The following FRMPD1 variants were observed in gnomAD, a reference collection of about 807,000 sequenced individuals.
FRMPD1 encodes the protein FERM and PDZ domain-containing protein 1.
In FRMPD1, 76 loss-of-function variants were observed where a neutral mutation model predicts 117.8. That is an observed-to-expected ratio of 0.65 (90% CI 0.54 to 0.78). The LOEUF (loss-of-function observed/expected upper bound fraction) is 0.78, where lower values mean the gene tolerates loss of function less well. Among genes scored for constraint, FRMPD1 ranks in the 30% least tolerant of loss-of-function variants. The pLI is 0.00. For synonymous variants in FRMPD1, 783 were observed against 770.4 expected (o/e 1.02, Z -0.27); for missense variants, 1,786 against 1,964.5 (o/e 0.91, Z 1.72).
At chr9:37,728,897 CG>C (rs1663842450) in intron 7 of FRMPD1, among the ~76,000 whole-genome samples, 1 of 148,240 alleles carries the variant, frequency 6.7e-6, no homozygotes, top group Admixed American at 6.8e-5. Flanking sequence ...CAGGTGGCGG[CG>C]GTTGCAGTGA....
chr9:37,685,614 T>C (rs1200110598), intron 1 of FRMPD1, among the ~76,000 whole-genome samples: 1 of 152,052 alleles, frequency 6.6e-6, no homozygotes, highest in Admixed American at 6.5e-5. Context: ...ATCTTGCCAC[T>C]GCACTACAGC....
intron 1 of FRMPD1, among the ~76,000 whole-genome samples, chr9:37,653,837 T>C (rs1820756221): frequency 6.6e-6 from 1 of 152,102 alleles, no homozygotes; most frequent in Non-Finnish European, 1.5e-5. Flanking sequence ...GCACCTGTGG[T>C]CCCAGCTACT....
At chr9:37,617,804 G>A in the FRMPD1 span, among the ~76,000 whole-genome samples, 1 of 152,140 alleles carries the variant, frequency 6.6e-6, no homozygotes. Context: ...TGCCCCTGTT[G>A]TACCTTCCTT....
At chr9:37,629,018 G>C in the FRMPD1 span, among the ~76,000 whole-genome samples, 1 of 152,218 alleles carries the variant, frequency 6.6e-6, no homozygotes, top group African/African-American at 2.4e-5. Flanking sequence ...GGCCAATATG[G>C]TGAAACCCTG....
At chr9:37,682,061 A>G (rs926334668) in intron 1 of FRMPD1, among the ~76,000 whole-genome samples, 2 of 152,186 alleles carry the variant, frequency 1.3e-5, no homozygotes, top group Non-Finnish European at 2.9e-5. Flanking sequence ...GGATTTGAAT[A>G]AGTCCTAGAA....
chr9:37,636,694 A>G, the FRMPD1 span: 1 of 1,556,632 alleles, frequency 6.4e-7, no homozygotes, highest in East Asian at 2.3e-5. Flanking sequence ...CCTCCTAGCA[A>G]CAACCACCGC....
chr9:37,675,417 TA>T (rs55853255), intron 1 of FRMPD1, among the ~76,000 whole-genome samples: 22,212 of 137,452 alleles, frequency 0.16, 1,729 homozygotes, highest in Middle Eastern at 0.22. Flanking sequence ...TGAGACTGTC[TA>T]AAAAAAAAAA....
At chr9:37,637,988 CTTT>C in the FRMPD1 span, among the ~76,000 whole-genome samples, 5 of 121,796 alleles carry the variant, frequency 4.1e-5, no homozygotes, top group African/African-American at 1.5e-4. Context: ...TTCTTTCTTT[CTTT>C]CTTTCTTTCT....
intron 4 of FRMPD1, among the ~76,000 whole-genome samples, chr9:37,709,273 G>GAT (rs1321770990): frequency 6.8e-6 from 1 of 147,660 alleles, no homozygotes; most frequent in Non-Finnish European, 1.5e-5. Context: ...CTAACTTGAA[G>GAT]AGATATATAT....
Position 37,735,511 on chromosome 9 carries a change from C to T in FRMPD1, c.1219-41C>T, listed in dbSNP as rs750684766. Reference sequence around the variant, plus strand: ...CTTACATGTGAAATGTATTTTCACTCGCTTGCGAATGGAGACTAATTCCCC... The same window carrying T: ...CTTACATGTGAAATGTATTTTCACTTGCTTGCGAATGGAGACTAATTCCCC... On this transcript the variant is annotated intron_variant, in intron 12 of 15. Coordinates refer to ENST00000377765, the MANE Select transcript of FRMPD1 (RefSeq NM_014907.3). 2.8e-5 allele frequency: 41 copies of T among 1,448,570 alleles called. No individual in the cohort carries two copies. The Admixed American group carries it at 5.5e-4, about 20-fold the overall frequency. The allele number at this position is 1,448,570 out of a possible 1,614,324, so 89.7% of individuals were successfully genotyped here. A position where few individuals can be genotyped will look rare whatever the true frequency, so the allele number is the denominator to read the frequency against.
At position 37,732,404 on chromosome 9, in the gene FRMPD1, G is replaced by C. The variant is rs1352157286; in HGVS notation, c.959G>C (p.Cys320Ser). The change falls in exon 10 of 16, where the codon TGT becomes TCT. Residue 320 changes from cysteine to serine, a missense_variant. By Grantham distance (112) the Cys-to-Ser change is moderately radical (BLOSUM62 -1). Coordinates refer to ENST00000377765, the MANE Select transcript of FRMPD1 (RefSeq NM_014907.3). ...CACATCCAGGAACGGATCTACGCCT[G>C]TGCCCAGCCACAGAAGATCTCTTTA... ...ALHIQERIYA[C>S]AQPQKISLKY... The C allele has an allele frequency of 1.9e-6, 3 of 1,613,462 alleles. No individual in the cohort carries two copies. The highest frequency in any genetic ancestry group is 2.7e-5 in the African/African-American group (2 of 74,926).
chr9:37,685,440 G>A (rs1000261362), intron 1 of FRMPD1, among the ~76,000 whole-genome samples: 11 of 151,906 alleles, frequency 7.2e-5, no homozygotes, highest in Admixed American at 3.9e-4. Flanking sequence ...TCAGGAGATC[G>A]AGACTATCCT....
the FRMPD1 span, among the ~76,000 whole-genome samples, chr9:37,604,259 A>G: frequency 2.0e-5 from 3 of 147,110 alleles, no homozygotes; most frequent in Non-Finnish European, 4.4e-5. Context: ...TTTGGTGATT[A>G]TATTAAAGAT....
At chr9:37,619,759 G>GA in the FRMPD1 span, among the ~76,000 whole-genome samples, 534 of 116,238 alleles carry the variant, frequency 4.6e-3, 1 homozygote, top group African/African-American at 6.3e-3. Flanking sequence ...CTCCAGCTCA[G>GA]AAAAAAAAAA....
In FRMPD1 at chr9:37,742,766, G is replaced by A. The variant is rs144527715; in HGVS notation, c.2357-1623G>A. 3.8e-3 allele frequency among the ~76,000 whole-genome samples: 583 copies of A among 152,196 alleles called. 5 individuals carry two copies. The highest frequency in any genetic ancestry group is 6.6e-3 in the Non-Finnish European group (450 of 68,008). ...GTACAAAAATTAGCCAGGCATGGTG[G>A]CGTGCACCTGTAATCCCAGCTACCC... On this transcript the variant is annotated intron_variant, in intron 15 of 15. Coordinates refer to ENST00000377765, the MANE Select transcript of FRMPD1 (RefSeq NM_014907.3).
chr9:37,606,606 CTCTTT>C, the FRMPD1 span, among the ~76,000 whole-genome samples: 1 of 152,292 alleles, frequency 6.6e-6, no homozygotes, highest in East Asian at 1.9e-4. Context: ...ATGCACAAAA[CTCTTT>C]TCTTTTCCCT....
intron 2 of FRMPD1, among the ~76,000 whole-genome samples, chr9:37,701,284 A>G (rs542719753): frequency 2.6e-4 from 40 of 152,286 alleles, no homozygotes; most frequent in East Asian, 2.1e-3. Flanking sequence ...ACCCTACTCT[A>G]TGGCTGGTAC....
chr9:37,650,854 G>A (rs1054369624), upstream of FRMPD1: 1 of 147,954 alleles, frequency 6.8e-6, no homozygotes, highest in Non-Finnish European at 1.5e-5. Flanking sequence ...GGCGCCGGCA[G>A]CTGGCGGCCG....
At chr9:37,635,566 C>T in the FRMPD1 span, among the ~76,000 whole-genome samples, 1 of 152,170 alleles carries the variant, frequency 6.6e-6, no homozygotes. Flanking sequence ...CAGAGGGGAA[C>T]CTGGGAGCGG....
Sources: allele counts gnomAD v4.1 joint callset (sites outside exome capture counted in the v4.1 genomes callset), GRCh38; gene constraint gnomAD v4.1.1; transcripts MANE v1.5; gene names NCBI Gene and HGNC (gene_info 2026-07-23, HGNC 2026-07-21).